Variants in TMEM184C observed in about 807,000 individuals in gnomAD.
TMEM184C encodes the protein transmembrane protein 184C, also known as transmembrane protein 34.
A neutral mutation model predicts 54.5 loss-of-function variants in TMEM184C; 25 were observed. That is an observed-to-expected ratio of 0.46 (90% CI 0.33 to 0.64). The LOEUF (loss-of-function observed/expected upper bound fraction) is 0.64. Ranked by LOEUF, TMEM184C falls within the 30% of genes least tolerant of loss-of-function variation. TMEM184C has a pLI of 0.02. For synonymous variants in TMEM184C, 148 were observed against 181.5 expected, an observed-to-expected ratio of 0.82 and a Z score of 1.49; for missense variants, 335 against 520.3, an observed-to-expected ratio of 0.64 and a Z score of 3.46.
In TMEM184C at chr4:147,635,334, A is replaced by G. The variant is rs980682554; in HGVS notation, c.*900A>G. The G allele has an allele frequency of 2.0e-5, 3 of 152,216 alleles. No homozygotes were observed. The highest frequency in any genetic ancestry group is 2.9e-5 in the Non-Finnish European group (2 of 68,036). 9.4% of individuals were successfully genotyped at this position (152,216 alleles called of 1,614,324 possible). On this transcript the variant is annotated 3_prime_UTR_variant, in exon 10 of 10. Coordinates refer to ENST00000296582, the MANE Select transcript of TMEM184C (RefSeq NM_018241.3). ...AAAAGAAGTCAAAAAAAAAAGTTCT[A>G]CTTTTCATCAGTGCTATTAAAGGTG...
chr4:147,620,436 T>C (rs1199812628), intron 1 of TMEM184C, among the ~76,000 whole-genome samples: 1 of 152,116 alleles, frequency 6.6e-6, no homozygotes, highest in East Asian at 1.9e-4. Context: ...CCAGAAAAGA[T>C]CTGAGAAGTT....
intron 4 of TMEM184C, among the ~76,000 whole-genome samples, chr4:147,626,703 A>T (rs1732821151): frequency 6.6e-6 from 1 of 152,242 alleles, no homozygotes; most frequent in South Asian, 2.1e-4. Flanking sequence ...GAAATACCTT[A>T]GTGCACAGAA....
At chr4:147,630,271 C>A (rs1328715852) in intron 6 of TMEM184C, among the ~76,000 whole-genome samples, 3 of 152,082 alleles carry the variant, frequency 2.0e-5, no homozygotes, top group Non-Finnish European at 4.4e-5. Context: ...TATTTAAATT[C>A]TTTGACTAAT....
intron 9 of TMEM184C, 56 bp downstream of exon 9, chr4:147,633,992 C>T: frequency 1.3e-6 from 2 of 1,559,204 alleles, no homozygotes; most frequent in Non-Finnish European, 1.7e-6. Flanking sequence ...TTGAATTTCT[C>T]CTACTAGGGC....
Position 147,634,586 on chromosome 4 carries a change from GTT to G in TMEM184C, c.*155_*156del. 1.3e-6 allele frequency: 1 copy of G among 791,830 alleles called. No individual in the cohort carries two copies. Among genetic ancestry groups the G allele is most frequent in the Non-Finnish European group, 1.9e-6 (1 of 517,776 alleles). 49.1% of individuals were successfully genotyped at this position (791,830 alleles called of 1,614,324 possible). ...ACAACTACTGCATTTATATATGTAA[GTT>G]TTGTATATCAAAAATAATTGGTCTA... On this transcript the variant is annotated 3_prime_UTR_variant, in exon 10 of 10. Transcript: ENST00000296582.
rs758883939 is a variant in TMEM184C at position 147,634,422 on chromosome 4, C to G, written c.1305C>G (p.Ser435=). 1.2e-6 allele frequency: 2 copies of G among 1,613,818 alleles called. No homozygotes were observed. Among genetic ancestry groups the G allele is most frequent in the South Asian group, 2.2e-5 (2 of 91,028 alleles). ...AGAAAAAAGAACCTTCAGATAAATC[C>G]GTGGATTCCTGAACAGTATGGAAAA... ...IGEKKEPSDK[S]VDS The change falls in exon 10 of 10, where the codon TCC becomes TCG. Residue 435 remains serine (S), a synonymous_variant. Coordinates refer to ENST00000296582, the MANE Select transcript of TMEM184C (RefSeq NM_018241.3).
intron 4 of TMEM184C, among the ~76,000 whole-genome samples, chr4:147,625,531 G>A (rs535504431): frequency 6.6e-6 from 1 of 152,216 alleles, no homozygotes; most frequent in Non-Finnish European, 1.5e-5. Context: ...TGAACCACTT[G>A]GTATTTTTCA....
chr4:147,629,309 C>G (rs1295689121), intron 5 of TMEM184C, among the ~76,000 whole-genome samples: 1 of 151,796 alleles, frequency 6.6e-6, no homozygotes, highest in Non-Finnish European at 1.5e-5. Flanking sequence ...AGTACTCTTT[C>G]TAGTTAAGTG....
In TMEM184C at chr4:147,635,804, A is replaced by G. The variant is rs979176403; in HGVS notation, c.*1370A>G. ...TGAATTCAGTAAAGTTGCAGAATAC[A>G]AAATCAACATACAAAAAGCATTAGC... On this transcript the variant is annotated 3_prime_UTR_variant, in exon 10 of 10. Coordinates refer to ENST00000296582, the MANE Select transcript of TMEM184C (RefSeq NM_018241.3). 1 of 152,208 alleles carries G rather than the reference A, an allele frequency of 6.6e-6. No individual in the cohort carries two copies. The highest frequency in any genetic ancestry group is 1.5e-5 in the Non-Finnish European group (1 of 68,022). 9.4% of individuals were successfully genotyped at this position (152,208 alleles called of 1,614,324 possible).
intron 1 of TMEM184C, 75 bp downstream of exon 1, chr4:147,618,154 C>G: frequency 6.3e-7 from 1 of 1,593,112 alleles, no homozygotes; most frequent in Middle Eastern, 1.7e-4. Context: ...CACCCTTACC[C>G]CATTTCTGCC....
In TMEM184C at chr4:147,634,391, T is replaced by C. The variant is rs1461074325; in HGVS notation, c.1274T>C (p.Ile425Thr). 1.9e-6 allele frequency: 3 copies of C among 1,613,798 alleles called. No homozygotes were observed. The highest frequency in any genetic ancestry group is 2.2e-5 in the East Asian group (1 of 44,880). Residue 425 changes from isoleucine to threonine, a missense_variant, in exon 10 of 10, where the codon ATA becomes ACA. Ile to Thr is a moderately conservative substitution (Grantham distance 89). Transcript: ENST00000296582. ...TCTGATGAAATCCTTAGTGATACTA[T>C]AGGAGAGAAAAAAGAACCTTCAGAT... ...KISDEILSDT[I>T]GEKKEPSDKS...
Position 147,624,932 on chromosome 4 carries a change from G to C in TMEM184C, c.420G>C (p.Leu140=). ...ATCTAACTAACCGGTATCCAAATCT[G>C]GTATTAATCCTTGAAGCCAAAGATC... ...TNYLTNRYPN[L]VLILEAKDQQ... is the part of the protein sequence containing the mutation. Residue 140 remains leucine (L), a synonymous_variant, in exon 4 of 10, where the codon CTG becomes CTC. Transcript: ENST00000296582. The C allele has an allele frequency of 6.2e-7, 1 of 1,613,862 alleles. No homozygotes were observed. Among genetic ancestry groups the C allele is most frequent in the Non-Finnish European group, 8.5e-7 (1 of 1,179,882 alleles).
Position 147,634,348 on chromosome 4 carries a change from C to T in TMEM184C, c.1231C>T (p.Pro411Ser). The change falls in exon 10 of 10, where the codon CCT becomes TCT. Residue 411 changes from proline to serine, a missense_variant. Physicochemically the swap from Pro to Ser is moderately conservative, Grantham distance 74. Coordinates refer to ENST00000296582, the MANE Select transcript of TMEM184C (RefSeq NM_018241.3). ...ACACACTGTGACTCCCCAGACTACA[C>T]CTACCACAGCTAAGATATCTGATGA... ...FGHTVTPQTT[P>S]TTAKISDEIL... 6.2e-7 allele frequency: 1 copy of T among 1,614,116 alleles called. No homozygotes were observed. Among genetic ancestry groups the T allele is most frequent in the Non-Finnish European group, 8.5e-7 (1 of 1,180,022 alleles).
intron 8 of TMEM184C, among the ~76,000 whole-genome samples, chr4:147,633,365 C>T (rs934239478): frequency 3.3e-5 from 5 of 150,822 alleles, no homozygotes; most frequent in African/African-American, 9.8e-5. Context: ...GTAAGGCCAA[C>T]GTTGGGGGAT....
chr4:147,625,695 T>A (rs1732802210), intron 4 of TMEM184C, among the ~76,000 whole-genome samples: 1 of 152,008 alleles, frequency 6.6e-6, no homozygotes, highest in Non-Finnish European at 1.5e-5. Context: ...GGGATGAGAT[T>A]GGAATAGAAA....
chr4:147,634,625 C>A lies in TMEM184C; in HGVS notation c.*191C>A. 1.6e-6 allele frequency: 1 copy of A among 606,812 alleles called. No homozygotes were observed. The highest frequency in any genetic ancestry group is 2.8e-6 in the Non-Finnish European group (1 of 361,606). 37.6% of individuals were successfully genotyped at this position (606,812 alleles called of 1,614,324 possible). On this transcript the variant is annotated 3_prime_UTR_variant, in exon 10 of 10. Coordinates refer to ENST00000296582, the MANE Select transcript of TMEM184C (RefSeq NM_018241.3). ...AAATAATTGGTCTAAATTTCCTAGA[C>A]TTAGACTTGATTTCTTAACATTAGG...
rs1732913485 is a variant in TMEM184C at position 147,631,337 on chromosome 4, T to C, written c.667-56T>C. The C allele has an allele frequency of 1.4e-5, 19 of 1,330,932 alleles. 1 individual carries two copies. The South Asian group carries it at 1.5e-4, about 11-fold the overall frequency. The allele number at this position is 1,330,932 out of a possible 1,614,324, so 82.4% of individuals were successfully genotyped here. A position where few individuals can be genotyped will look rare whatever the true frequency, so the allele number is the denominator to read the frequency against. ...CCAGGTCTCTGGTATGTAACTTTAATATTTCTATTACCATATCTATTACTG... is the reference window on the plus strand; with the variant it reads ...CCAGGTCTCTGGTATGTAACTTTAACATTTCTATTACCATATCTATTACTG... On this transcript the variant is annotated intron_variant, in intron 6 of 9. Coordinates refer to ENST00000296582, the MANE Select transcript of TMEM184C (RefSeq NM_018241.3).
chr4:147,626,951 C>G (rs1257913807), intron 4 of TMEM184C, among the ~76,000 whole-genome samples: 1 of 152,172 alleles, frequency 6.6e-6, no homozygotes, highest in Admixed American at 6.5e-5. Context: ...TCAGCGAATG[C>G]AGAATTACGA....
Position 147,623,169 on chromosome 4 carries a change from G to A in TMEM184C, c.124-665G>A, listed in dbSNP as rs531130251. ...CCTGTTCAAACAGTGAAACTGGGCC[G>A]TGCACGGTGGCTCATGCCTGTAATC... On this transcript the variant is annotated intron_variant, in intron 1 of 9. Transcript: ENST00000296582. 4.6e-5 allele frequency among the ~76,000 whole-genome samples: 7 copies of A among 152,228 alleles called. No individual in the cohort carries two copies. In the South Asian group the frequency reaches 1.2e-3, roughly 27 times the overall value.
Sources: gnomAD v4.1 joint callset for allele counts (sites outside exome capture counted in the v4.1 genomes callset) on GRCh38, gnomAD v4.1.1 for gene constraint, MANE v1.5 for transcripts, NCBI Gene and HGNC (gene_info 2026-07-23, HGNC 2026-07-21) for gene names.